TANGO6: variants seen among roughly 807,000 people sequenced by gnomAD.
TANGO6 encodes the protein transport and Golgi organization protein 6 homolog.
A neutral mutation model predicts 114.2 loss-of-function variants in TANGO6; 90 were observed. The ratio of observed to expected loss-of-function variants is 0.79; its 90% CI spans 0.66 to 0.94. The LOEUF is 0.94. Ranked by LOEUF, TANGO6 falls within the 40% of genes least tolerant of loss-of-function variation. TANGO6 has a pLI of 0.00. For missense variants in TANGO6, 1,274 were observed against 1,315.3 expected, an observed-to-expected ratio of 0.97 and a Z score of 0.49; for synonymous variants, 477 against 509.8, an observed-to-expected ratio of 0.94 and a Z score of 0.87.
intron 15 of TANGO6, among the ~76,000 whole-genome samples, chr16:69,012,675 G>T (rs1468415796): frequency 1.3e-5 from 2 of 151,014 alleles, no homozygotes; most frequent in Non-Finnish European, 2.9e-5. Context: ...GTTGTAGTCT[G>T]TAATGAATGC....
At chr16:68,866,975 CTTT>C (rs536677611) in intron 3 of TANGO6, 101 bp from the exon 4 acceptor site, 3,271 of 226,210 alleles carry the variant, frequency 0.014, no homozygotes, top group Middle Eastern at 0.033. Context: ...GCTATTTCTC[CTTT>C]TTTTTTTTTT....
chr16:69,037,727 G>T (rs1333832158), intron 16 of TANGO6, among the ~76,000 whole-genome samples: 1 of 152,232 alleles, frequency 6.6e-6, no homozygotes, highest in African/African-American at 2.4e-5. Context: ...AGAGCAGCTT[G>T]CTGGGTCTTA....
intron 14 of TANGO6, among the ~76,000 whole-genome samples, chr16:68,933,257 A>G (rs1199603893): frequency 6.6e-6 from 1 of 152,188 alleles, no homozygotes; most frequent in Non-Finnish European, 1.5e-5. Flanking sequence ...CCTGCTAAAA[A>G]TACAAAAATT....
Position 68,867,078 on chromosome 16 carries a change from G to C in TANGO6, c.853-1G>C. 6.3e-7 allele frequency: 1 copy of C among 1,578,526 alleles called. No individual in the cohort carries two copies. The highest frequency in any genetic ancestry group is 8.6e-7 in the Non-Finnish European group (1 of 1,164,798). On this transcript the variant is annotated splice_acceptor_variant, in intron 3 of 17. Transcript: ENST00000261778. LOFTEE classifies it high-confidence loss of function. The stretch of plus-strand genomic sequence containing the variant: ...AATTCACACCTTCTTCTTTTTCTCA[G>C]TCCTGCACAGATGTGAAGACACAGA...
At chr16:68,938,935 G>A (rs1335262545) in intron 14 of TANGO6, among the ~76,000 whole-genome samples, 3 of 151,758 alleles carry the variant, frequency 2.0e-5, no homozygotes, top group Non-Finnish European at 4.4e-5. Context: ...GGCCAGTCAT[G>A]GTGGCTCACA....
chr16:68,972,757 CAAAT>C (rs1452675930), intron 14 of TANGO6, among the ~76,000 whole-genome samples: 3 of 152,090 alleles, frequency 2.0e-5, no homozygotes, highest in Non-Finnish European at 2.9e-5. Context: ...AGTGCTAAGA[CAAAT>C]GAAGCAGGGT....
chr16:68,878,574 A>G (rs1181490163), intron 6 of TANGO6, among the ~76,000 whole-genome samples: 1 of 152,142 alleles, frequency 6.6e-6, no homozygotes, highest in East Asian at 1.9e-4. Flanking sequence ...AGTTGCAGAC[A>G]TCACAACACT....
chr16:68,879,073 C>A (rs144863849), intron 6 of TANGO6, among the ~76,000 whole-genome samples: 192 of 151,982 alleles, frequency 1.3e-3, no homozygotes, highest in African/African-American at 4.3e-3. Context: ...GCAACCCTTG[C>A]TCAAAATAAT....
chr16:68,951,952 C>G (rs931606196), intron 14 of TANGO6, among the ~76,000 whole-genome samples: 1 of 152,006 alleles, frequency 6.6e-6, no homozygotes, highest in African/African-American at 2.4e-5. Flanking sequence ...ACCATGGAAC[C>G]ATGGATCATG....
intron 7 of TANGO6, among the ~76,000 whole-genome samples, chr16:68,897,669 C>A (rs1962724260): frequency 1.3e-5 from 2 of 151,326 alleles, no homozygotes; most frequent in Admixed American, 6.6e-5. Context: ...ACTTCCGCCT[C>A]CTGGGTTCAA....
rs558772217 is a variant in TANGO6 at position 68,965,974 on chromosome 16, G to A, written c.2702-8054G>A. On this transcript the variant is annotated intron_variant, in intron 14 of 17. Coordinates refer to ENST00000261778, the MANE Select transcript of TANGO6 (RefSeq NM_024562.2). ...AGACCAGGTGTAGTGGCTCACGCCT[G>A]TAATCCCAATATTTTGGGAGGCTGG... Among the ~76,000 whole-genome samples the A allele has an allele frequency of 4.7e-4, 72 of 152,322 alleles. No homozygotes were observed. In the South Asian group the frequency reaches 0.014, roughly 31 times the overall value.
rs1427955177 is a variant in TANGO6, at chr16:68,860,510, A to C, written c.721A>C (p.Thr241Pro). The change falls in exon 2 of 18, where the codon ACA becomes CCA. Residue 241 changes from threonine (T) to proline (P), a missense_variant. By Grantham distance (38) the Thr-to-Pro change is conservative. Coordinates refer to ENST00000261778, the MANE Select transcript of TANGO6 (RefSeq NM_024562.2). Reference protein sequence around the residue: ...GFCPTKRKLLTPAEEVLTEEE... With the variant: ...GFCPTKRKLLPPAEEVLTEEE... The stretch of plus-strand genomic sequence containing the variant: ...CTGCCCAACCAAAAGAAAACTGCTA[A>C]CACCTGCAGAAGAGGTAAATATACA... 1 of 1,613,360 alleles carries C rather than the reference A, an allele frequency of 6.2e-7. No individual in the cohort carries two copies. The highest frequency in any genetic ancestry group is 1.7e-5 in the Admixed American group (1 of 60,006).
Position 69,083,634 on chromosome 16 carries a change from G to A in TANGO6, c.3258G>A (p.Leu1086=). The A allele has an allele frequency of 6.4e-7, 1 of 1,568,282 alleles. No homozygotes were observed. The highest frequency in any genetic ancestry group is 8.6e-7 in the Non-Finnish European group (1 of 1,156,490). The part of the protein sequence containing the change: ...MKNFLFPPQK[L]EKKIMVLP Reference sequence around the variant, plus strand: ...ACTTCCTGTTCCCTCCACAGAAGCTGGAGAAGAAGATCATGGTCCTGCCGT... The same window carrying A: ...ACTTCCTGTTCCCTCCACAGAAGCTAGAGAAGAAGATCATGGTCCTGCCGT... Residue 1086 remains leucine, a synonymous_variant, in exon 18 of 18, where the codon CTG becomes CTA. Transcript: ENST00000261778.
At chr16:68,864,598 A>T (rs952869224) in intron 3 of TANGO6, among the ~76,000 whole-genome samples, 1 of 151,990 alleles carries the variant, frequency 6.6e-6, no homozygotes, top group African/African-American at 2.4e-5. Flanking sequence ...AAAACAAAAG[A>T]AAAAGAGCGA....
chr16:69,015,464 T>TTTTATTTATTTATTTA (rs60863406), intron 15 of TANGO6, among the ~76,000 whole-genome samples: 47,077 of 143,748 alleles, frequency 0.33, 8,968 homozygotes, highest in East Asian at 0.47. Flanking sequence ...GCTCATTTTA[T>TTTTATTTATTTATTTA]TTTATTTATT....
In TANGO6 at chr16:68,909,245, A is replaced by G. The variant is rs1165151892; in HGVS notation, c.1835A>G (p.Glu612Gly). Residue 612 changes from glutamate to glycine, a missense_variant, in exon 11 of 18, where the codon GAG (glutamate) becomes GGG (glycine). Around this residue, in one of 5 missense-constraint regions of TANGO6, gnomAD observed 908 missense variants for 910.2 expected, o/e 1.00. Coordinates refer to ENST00000261778, the MANE Select transcript of TANGO6 (RefSeq NM_024562.2). ...LTHVASENET[E>G]LKTEPFSSKS... ...CATGTGGCCTCGGAAAATGAAACAG[A>G]GTTAAAAACTGAGCCCTTCTCCAGC... is the stretch of plus-strand genomic sequence containing the variant. 6.3e-7 allele frequency: 1 copy of G among 1,594,948 alleles called. No homozygotes were observed. The highest frequency in any genetic ancestry group is 8.5e-7 in the Non-Finnish European group (1 of 1,170,050).
chr16:68,865,791 G>C (rs1962167847), intron 3 of TANGO6, among the ~76,000 whole-genome samples: 3 of 151,652 alleles, frequency 2.0e-5, no homozygotes, highest in African/African-American at 7.3e-5. Flanking sequence ...GGTGGCAGGT[G>C]CCTGTAGTCC....
At chr16:69,023,912 T>A (rs1597062153) in intron 16 of TANGO6, among the ~76,000 whole-genome samples, 1 of 152,032 alleles carries the variant, frequency 6.6e-6, no homozygotes, top group East Asian at 1.9e-4. Flanking sequence ...TTATTATTAT[T>A]ATTATTATTA....
chr16:69,025,436 A>G (rs1057019972), intron 16 of TANGO6, among the ~76,000 whole-genome samples: 1 of 152,174 alleles, frequency 6.6e-6, no homozygotes, highest in Non-Finnish European at 1.5e-5. Flanking sequence ...CTTCATAGGC[A>G]CAAGTTGCAT....
Sources: gnomAD v4.1 joint callset for allele counts (sites outside exome capture counted in the v4.1 genomes callset) on GRCh38, gnomAD v4.1.1 for gene constraint, gnomAD v4.1.1 regional missense constraint, MANE v1.5 for transcripts, NCBI Gene and HGNC (gene_info 2026-07-23, HGNC 2026-07-21) for gene names.